The following RHOT1 variants were observed in gnomAD, a reference collection of about 807,000 sequenced individuals.
RHOT1 encodes the protein ras homolog family member T1.
Under a neutral mutation model 95.3 loss-of-function variants are expected in RHOT1, and 27 were observed. The observed-to-expected ratio is 0.28, with a 90% confidence interval of 0.21 to 0.39. RHOT1 has a LOEUF of 0.39. Ranked by LOEUF, RHOT1 falls within the 10% of genes least tolerant of loss-of-function variation. RHOT1 has a pLI of 1.00. For synonymous variants in RHOT1, 227 were observed against 263.5 expected (o/e 0.86, Z 1.34); for missense variants, 578 against 786.7 (o/e 0.73, Z 3.17).
At chr17:32,164,374 C>CA in intron 1 of RHOT1, among the ~76,000 whole-genome samples, 1 of 151,812 alleles carries the variant, frequency 6.6e-6, no homozygotes, top group African/African-American at 2.4e-5. Context: ...GCTGGGACTA[C>CA]AGGCGTGTGC....
chr17:32,204,936 T>C (rs2037597951), intron 16 of RHOT1, among the ~76,000 whole-genome samples: 1 of 151,598 alleles, frequency 6.6e-6, no homozygotes. Context: ...TGAGCCAAGA[T>C]TGTGCCACTG....
intron 1 of RHOT1, among the ~76,000 whole-genome samples, chr17:32,161,574 C>A (rs2033559701): frequency 6.6e-6 from 1 of 152,174 alleles, no homozygotes. Context: ...TTAGGAAGTG[C>A]TATTATCATT....
In RHOT1 at chr17:32,142,653, C is replaced by G; in HGVS notation, c.-40C>G. 1 of 1,514,178 alleles carries G rather than the reference C, an allele frequency of 6.6e-7. No homozygotes were observed. The highest frequency in any genetic ancestry group is 1.3e-5 in the South Asian group (1 of 79,366). 93.8% of individuals were successfully genotyped at this position (1,514,178 alleles called of 1,614,324 possible). A position where few individuals can be genotyped will look rare whatever the true frequency, so the allele number is the denominator to read the frequency against. ...TGCTCCTGGTGAGAGGAGTCCACTC[C>G]GTGCGTGCGGGCGGAGGCCGGCCCC... On this transcript the variant is annotated 5_prime_UTR_variant, in exon 1 of 20. Coordinates refer to ENST00000545287, the MANE Select transcript of RHOT1 (RefSeq NM_001033566.3).
chr17:32,204,277 G>A (rs1319378309), intron 16 of RHOT1, among the ~76,000 whole-genome samples: 1 of 151,930 alleles, frequency 6.6e-6, no homozygotes, highest in African/African-American at 2.4e-5. Context: ...TTGGCTAGGC[G>A]TGGTGGCTCA....
intron 6 of RHOT1, among the ~76,000 whole-genome samples, chr17:32,182,542 C>T (rs1432501390): frequency 6.6e-6 from 1 of 152,082 alleles, no homozygotes; most frequent in African/African-American, 2.4e-5. Flanking sequence ...GTCCTTAATA[C>T]TTAAAGCAGT....
intron 16 of RHOT1, among the ~76,000 whole-genome samples, chr17:32,205,336 A>G (rs2037635373): frequency 6.6e-6 from 1 of 152,138 alleles, no homozygotes. Context: ...ATGTCCCTGC[A>G]AAGGACATGA....
At chr17:32,150,546 G>A (rs2032158090) in intron 1 of RHOT1, 7 of 1,536,070 alleles carry the variant, frequency 4.6e-6, no homozygotes, top group African/African-American at 1.4e-5. Flanking sequence ...TGGGAGATAG[G>A]CCTACAGCTA....
intron 8 of RHOT1, among the ~76,000 whole-genome samples, chr17:32,184,153 A>G (rs2035853790): frequency 6.6e-6 from 1 of 152,226 alleles, no homozygotes; most frequent in Non-Finnish European, 1.5e-5. Flanking sequence ...TGTATTCACA[A>G]AGTTATGCAA....
chr17:32,165,225 T>C (rs766269468), intron 1 of RHOT1, among the ~76,000 whole-genome samples: 36 of 147,778 alleles, frequency 2.4e-4, no homozygotes, highest in Non-Finnish European at 4.4e-4. Context: ...TAGTCCCAGC[T>C]ACTTGGGAGG....
At chr17:32,224,017 G>T (rs539628236) in intron 19 of RHOT1, among the ~76,000 whole-genome samples, 2 of 152,224 alleles carry the variant, frequency 1.3e-5, no homozygotes, top group African/African-American at 2.4e-5. Context: ...CCAGGGATTG[G>T]TTTTTTTCTC....
intron 1 of RHOT1, chr17:32,150,961 C>A: frequency 6.7e-7 from 1 of 1,493,778 alleles, no homozygotes; most frequent in Non-Finnish European, 9.1e-7. Context: ...TTGCTGATTG[C>A]TGCTGCTGCT....
At chr17:32,151,479 G>A in intron 1 of RHOT1, 1 of 610,104 alleles carries the variant, frequency 1.6e-6, no homozygotes, top group Non-Finnish European at 3.0e-6. Flanking sequence ...TCTAGCTAGG[G>A]ATTCTCTGGG....
intron 19 of RHOT1, among the ~76,000 whole-genome samples, chr17:32,222,660 C>A (rs1392344184): frequency 6.6e-6 from 1 of 152,026 alleles, no homozygotes; most frequent in Non-Finnish European, 1.5e-5. Flanking sequence ...GGTGGCAACT[C>A]AATTTATGTG....
chr17:32,167,002 C>G lies in RHOT1; in HGVS notation c.38-4041C>G, dbSNP rs576979372. The stretch of plus-strand genomic sequence containing the variant: ...TCAGAGGAATCACTATCTATGGCAG[C>G]TATATATAGGCTTACACAATGTAAA... On this transcript the variant is annotated intron_variant, in intron 1 of 19. Coordinates refer to ENST00000545287, the MANE Select transcript of RHOT1 (RefSeq NM_001033566.3). Among the ~76,000 whole-genome samples, 646 of 152,240 alleles carry G rather than the reference C, an allele frequency of 4.2e-3. 6 individuals are homozygous for G. Among genetic ancestry groups the G allele is most frequent in the African/African-American group, 0.014 (601 of 41,534 alleles).
intron 19 of RHOT1, among the ~76,000 whole-genome samples, chr17:32,221,636 C>T (rs906570862): frequency 6.6e-6 from 1 of 152,228 alleles, no homozygotes; most frequent in East Asian, 1.9e-4. Context: ...AGTAACTTTC[C>T]ATGTCTAAAA....
At chr17:32,148,415 C>A (rs765838215) in intron 1 of RHOT1, among the ~76,000 whole-genome samples, 5 of 152,248 alleles carry the variant, frequency 3.3e-5, no homozygotes, top group Non-Finnish European at 5.9e-5. Context: ...TCTGTTCGTA[C>A]AGAGTCCTTT....
rs553638431 is a variant in RHOT1 at position 32,223,189 on chromosome 17, G to A, written c.1863-1427G>A. 5.6e-4 allele frequency among the ~76,000 whole-genome samples: 85 copies of A among 151,708 alleles called. 1 individual carries two copies. The highest frequency in any genetic ancestry group is 3.4e-3 in the Middle Eastern group (1 of 294). ...TTGTGTTGTAGACTTTTGTTTCTAGGGATGTACAGACTATTTTGTGATAAC... is the reference window on the plus strand; with the variant it reads ...TTGTGTTGTAGACTTTTGTTTCTAGAGATGTACAGACTATTTTGTGATAAC... On this transcript the variant is annotated intron_variant, in intron 19 of 19. Coordinates refer to ENST00000545287, the MANE Select transcript of RHOT1 (RefSeq NM_001033566.3).
In RHOT1 at chr17:32,173,762, A is replaced by T. The variant is rs924991062; in HGVS notation, c.97-69A>T. The T allele has an allele frequency of 5.9e-6, 6 of 1,025,108 alleles. No homozygotes were observed. The African/African-American group carries it at 9.8e-5, about 17-fold the overall frequency. 63.5% of individuals were successfully genotyped at this position (1,025,108 alleles called of 1,614,324 possible). On this transcript the variant is annotated intron_variant, in intron 2 of 19. Coordinates refer to ENST00000545287, the MANE Select transcript of RHOT1 (RefSeq NM_001033566.3). Reference sequence around the variant, plus strand: ...CAACCTGTGTAGATAAATTTATATCATCTATTACAAGTTTGAGTGATAATA... The same window carrying T: ...CAACCTGTGTAGATAAATTTATATCTTCTATTACAAGTTTGAGTGATAATA...
rs763349647 is a variant in RHOT1 at position 32,192,218 on chromosome 17, A to G, written c.558A>G (p.Ile186Met). 1 of 1,528,102 alleles carries G rather than the reference A, an allele frequency of 6.5e-7. No homozygotes were observed. Among genetic ancestry groups the G allele is most frequent in the Non-Finnish European group, 8.9e-7 (1 of 1,121,762 alleles). 94.7% of individuals were successfully genotyped at this position (1,528,102 alleles called of 1,614,324 possible). Reference sequence around the variant, plus strand: ...ATTTATAGATGAAACCAGCTTGTATAAAAGCCCTTACTCGTATATTTAAAA... The same window carrying G: ...ATTTATAGATGAAACCAGCTTGTATGAAAGCCCTTACTCGTATATTTAAAA... ...PEEKEMKPAC[I>M]KALTRIFKIS... Residue 186 changes from isoleucine to methionine, a missense_variant, in exon 9 of 20, where the codon ATA becomes ATG. This residue lies in a region of RHOT1 where 227 missense variants were observed against 316.0 expected (regional missense o/e 0.72). Transcript: ENST00000545287.
Sources: allele counts gnomAD v4.1 joint callset (sites outside exome capture counted in the v4.1 genomes callset), GRCh38; gene constraint gnomAD v4.1.1; regional missense constraint gnomAD v4.1.1; transcripts MANE v1.5; gene names NCBI Gene and HGNC (gene_info 2026-07-23, HGNC 2026-07-21).